Variants in ZFAND6 observed in about 807,000 individuals in gnomAD.
ZFAND6 encodes the protein AN1-type zinc finger protein 6.
Under a neutral mutation model 24.5 loss-of-function variants are expected in ZFAND6, and 12 were observed. The ratio of observed to expected loss-of-function variants is 0.49; its 90% CI spans 0.31 to 0.79. The LOEUF (loss-of-function observed/expected upper bound fraction) is 0.79, where lower values mean the gene tolerates loss of function less well. Among genes scored for constraint, ZFAND6 ranks in the 30% least tolerant of loss-of-function variants. The pLI is 0.04. For synonymous variants in ZFAND6, 92 were observed against 81.5 expected, an observed-to-expected ratio of 1.13 and a Z score of -0.69; for missense variants, 207 against 245.9, an observed-to-expected ratio of 0.84 and a Z score of 1.06.
intron 1 of ZFAND6, among the ~76,000 whole-genome samples, 174 bp from the exon 2 acceptor site, chr15:80,098,242 A>T (rs1308288664): frequency 5.3e-5 from 8 of 152,240 alleles, no homozygotes; most frequent in Admixed American, 5.2e-4. Context: ...AGTTATATGC[A>T]TATTGTTAAT....
chr15:80,094,376 A>G (rs998123133), intron 1 of ZFAND6, among the ~76,000 whole-genome samples: 4 of 152,150 alleles, frequency 2.6e-5, no homozygotes, highest in Non-Finnish European at 5.9e-5. Context: ...AGAACTGCTC[A>G]TGAGAGGGAT....
At chr15:80,110,585 G>A (rs2141980289) in intron 2 of ZFAND6, among the ~76,000 whole-genome samples, 1 of 151,740 alleles carries the variant, frequency 6.6e-6, no homozygotes, top group South Asian at 2.1e-4. Flanking sequence ...ACAATCATGA[G>A]GAAGATTAAA....
chr15:80,113,811 T>G (rs886200229), intron 2 of ZFAND6, among the ~76,000 whole-genome samples: 2 of 131,770 alleles, frequency 1.5e-5, no homozygotes, highest in Non-Finnish European at 3.3e-5. Flanking sequence ...AAACTTAGAG[T>G]TTAGCTGGGA....
At chr15:80,105,271 A>C (rs553273389) in intron 2 of ZFAND6, among the ~76,000 whole-genome samples, 54 of 152,330 alleles carry the variant, frequency 3.5e-4, no homozygotes, top group African/African-American at 1.3e-3. Context: ...GTTAGAAACC[A>C]TTCCATCACA....
At chr15:80,103,848 T>C (rs2039165273) in intron 2 of ZFAND6, among the ~76,000 whole-genome samples, 1 of 152,146 alleles carries the variant, frequency 6.6e-6, no homozygotes, top group Non-Finnish European at 1.5e-5. Flanking sequence ...AAGTTCATTA[T>C]TATTATTGTT....
At chr15:80,101,434 GC>G (rs2039024081) in intron 2 of ZFAND6, among the ~76,000 whole-genome samples, 1 of 152,008 alleles carries the variant, frequency 6.6e-6, no homozygotes, top group African/African-American at 2.4e-5. Flanking sequence ...TTGCACTCCA[GC>G]CTGGGCGACA....
At chr15:80,121,525 T>G (rs1224749455) in intron 3 of ZFAND6, among the ~76,000 whole-genome samples, 187 bp from the exon 4 acceptor site, 1 of 152,240 alleles carries the variant, frequency 6.6e-6, no homozygotes, top group African/African-American at 2.4e-5. Flanking sequence ...CTTCTTGGTT[T>G]AAAATTAACA....
At chr15:80,060,896 G>C (rs1166878977) in intron 1 of ZFAND6, among the ~76,000 whole-genome samples, 1 of 152,176 alleles carries the variant, frequency 6.6e-6, no homozygotes, top group African/African-American at 2.4e-5. Context: ...ACTCCAGCCT[G>C]GCGACAGAGG....
chr15:80,120,566 A>G (rs1020325895), intron 3 of ZFAND6, 68 bp downstream of exon 3: 4 of 1,301,928 alleles, frequency 3.1e-6, no homozygotes, highest in Non-Finnish European at 4.0e-6. Context: ...CGGTATACCC[A>G]ATACCTTTTT....
intron 2 of ZFAND6, among the ~76,000 whole-genome samples, chr15:80,116,083 T>C (rs2141998711): frequency 6.6e-6 from 1 of 151,888 alleles, no homozygotes; most frequent in South Asian, 2.1e-4. Flanking sequence ...TAAGGAGCCT[T>C]TTTAGGTTTT....
chr15:80,088,994 A>G (rs7183862), intron 1 of ZFAND6, among the ~76,000 whole-genome samples: 124,911 of 151,964 alleles, frequency 0.82, 51,658 homozygotes, highest in Non-Finnish European at 0.86. Flanking sequence ...TGCTTATCTC[A>G]GTATCCTCAT....
chr15:80,101,573 TG>T (rs2039033048), intron 2 of ZFAND6, among the ~76,000 whole-genome samples: 1 of 152,236 alleles, frequency 6.6e-6, no homozygotes, highest in Admixed American at 6.5e-5. Flanking sequence ...ATGGCTACTG[TG>T]TTGGACAACA....
intron 5 of ZFAND6, among the ~76,000 whole-genome samples, chr15:80,127,784 TCTC>T (rs1308068277): frequency 1.3e-5 from 2 of 151,946 alleles, no homozygotes; most frequent in Non-Finnish European, 2.9e-5. Context: ...TGGAAAACAA[TCTC>T]CTAGCTCCAC....
In ZFAND6 at chr15:80,121,821, G is replaced by A; in HGVS notation, c.263+1G>A. 1 of 1,608,774 alleles carries A rather than the reference G, an allele frequency of 6.2e-7. No individual in the cohort carries two copies. The highest frequency in any genetic ancestry group is 8.5e-7 in the Non-Finnish European group (1 of 1,175,712). ...CTACATCTTCATCTATGCAGCCCAG[G>A]TAAGATGTACTCTCTGAATTCTAAT... On this transcript the variant is annotated splice_donor_variant, in intron 4 of 6. Transcript: ENST00000261749. LOFTEE classifies it high-confidence loss of function.
At chr15:80,100,702 G>A (rs904055444) in intron 2 of ZFAND6, among the ~76,000 whole-genome samples, 1 of 152,050 alleles carries the variant, frequency 6.6e-6, no homozygotes, top group African/African-American at 2.4e-5. Flanking sequence ...CTGTCATTTG[G>A]TTTTGCTTAG....
chr15:80,090,749 C>T (rs2038307341), intron 1 of ZFAND6, among the ~76,000 whole-genome samples: 2 of 152,138 alleles, frequency 1.3e-5, no homozygotes, highest in Admixed American at 1.3e-4. Context: ...AACTTTGAAA[C>T]CTGAGCTAAT....
In ZFAND6 at chr15:80,104,449, G is replaced by A. The variant is rs928580155; in HGVS notation, c.-18+5871G>A. Among the ~76,000 whole-genome samples, 3 of 152,162 alleles carry A rather than the reference G, an allele frequency of 2.0e-5. No homozygotes were observed. In the South Asian group the frequency reaches 6.2e-4, roughly 32 times the overall value. ...CAGGAGAATCGCTTGATCCTGGGAG[G>A]TAGAGGTTGCAGTGAGCCGAGATCG... On this transcript the variant is annotated intron_variant, in intron 2 of 6. Transcript: ENST00000261749.
In ZFAND6 at chr15:80,093,200, C is replaced by G. The variant is rs978149817; in HGVS notation, c.-180-5216C>G. Among the ~76,000 whole-genome samples the G allele has an allele frequency of 2.0e-5, 3 of 151,718 alleles. No individual in the cohort carries two copies. In the East Asian group the frequency reaches 5.9e-4, roughly 30 times the overall value. ...CAGGCTGGTTTCGAACTCCTGACCT[C>G]GTGATCCGCCTGCCTCGGCCTCCCA... On this transcript the variant is annotated intron_variant, in intron 1 of 6. Transcript: ENST00000261749.
At chr15:80,089,418 G>A (rs2038211250) in intron 1 of ZFAND6, among the ~76,000 whole-genome samples, 1 of 151,596 alleles carries the variant, frequency 6.6e-6, no homozygotes, top group Non-Finnish European at 1.5e-5. Flanking sequence ...CCACCACCTG[G>A]CTAATTTTTG....
Sources: allele counts gnomAD v4.1 joint callset (sites outside exome capture counted in the v4.1 genomes callset), GRCh38; gene constraint gnomAD v4.1.1; transcripts MANE v1.5; gene names NCBI Gene and HGNC (gene_info 2026-07-23, HGNC 2026-07-21).